The following CYP19A1 variants were observed in gnomAD, a reference collection of about 807,000 sequenced individuals.
The protein encoded by CYP19A1 is aromatase.
In CYP19A1, 32 loss-of-function variants were observed where a neutral mutation model predicts 44.4. The observed-to-expected ratio is 0.72, with a 90% confidence interval of 0.54 to 0.97. The LOEUF (loss-of-function observed/expected upper bound fraction) is 0.97, where lower values mean the gene tolerates loss of function less well. Among genes scored for constraint, CYP19A1 ranks in the 50% least tolerant of loss-of-function variants. CYP19A1 has a pLI of 0.00. For synonymous variants in CYP19A1, 212 were observed against 215.6 expected, an observed-to-expected ratio of 0.98 and a Z score of 0.14; for missense variants, 598 against 637.8, an observed-to-expected ratio of 0.94 and a Z score of 0.67.
intron 1 of CYP19A1, among the ~76,000 whole-genome samples, chr15:51,284,399 C>T (rs1254118849): frequency 6.6e-6 from 1 of 152,186 alleles, no homozygotes; most frequent in Non-Finnish European, 1.5e-5. Flanking sequence ...TAGGAACCGC[C>T]TCAGAGGTTT....
At chr15:51,247,310 C>T (rs533361193) in intron 1 of CYP19A1, among the ~76,000 whole-genome samples, 1 of 152,264 alleles carries the variant, frequency 6.6e-6, no homozygotes, top group African/African-American at 2.4e-5. Context: ...CCCCCTATTC[C>T]CTTCTTGCCT....
At chr15:51,232,898 C>T (rs2033136694) in intron 3 of CYP19A1, among the ~76,000 whole-genome samples, 1 of 152,214 alleles carries the variant, frequency 6.6e-6, no homozygotes, top group African/African-American at 2.4e-5. Context: ...TCTTCAGTGG[C>T]TTCCTTTCTT....
intron 5 of CYP19A1, among the ~76,000 whole-genome samples, chr15:51,220,422 T>C (rs4775933): frequency 0.99 from 150,908 of 152,374 alleles, 74,745 homozygotes; most frequent in Middle Eastern, 1. Flanking sequence ...CTGTCTTGCT[T>C]ACTGTTATGT....
At position 51,299,983 on chromosome 15, in the gene CYP19A1, A is replaced by T. The variant is rs114731753; in HGVS notation, c.-39+38512T>A. On this transcript the variant is annotated intron_variant, in intron 1 of 9. Coordinates refer to ENST00000396402, the MANE Select transcript of CYP19A1 (RefSeq NM_000103.4). ...GGGATGGGAGTGCTTTCATTCATGCAGTTACATTTGTTTGAAAGCAAGAGA... is the reference window on the plus strand; with the variant it reads ...GGGATGGGAGTGCTTTCATTCATGCTGTTACATTTGTTTGAAAGCAAGAGA... 5.5e-3 allele frequency among the ~76,000 whole-genome samples: 835 copies of T among 152,296 alleles called. 11 individuals are homozygous for T. Among genetic ancestry groups the T allele is most frequent in the African/African-American group, 0.019 (804 of 41,556 alleles).
intron 1 of CYP19A1, among the ~76,000 whole-genome samples, chr15:51,329,488 A>C (rs2036666173): frequency 6.6e-6 from 1 of 152,220 alleles, no homozygotes; most frequent in African/African-American, 2.4e-5. Flanking sequence ...GTGCCCCCCA[A>C]GAGGTATAAT....
chr15:51,322,772 G>C (rs1428949453), intron 1 of CYP19A1, among the ~76,000 whole-genome samples: 1 of 152,202 alleles, frequency 6.6e-6, no homozygotes, highest in African/African-American at 2.4e-5. Context: ...AGCCTCTACT[G>C]TGCTGGGTCT....
chr15:51,294,269 A>T (rs1300698846), intron 1 of CYP19A1, among the ~76,000 whole-genome samples: 1 of 138,280 alleles, frequency 7.2e-6, no homozygotes, highest in Non-Finnish European at 1.5e-5. Flanking sequence ...GGAAGTGAGG[A>T]GCGTCTCTGC....
intron 1 of CYP19A1, among the ~76,000 whole-genome samples, chr15:51,248,784 C>T (rs1022709029): frequency 2.0e-5 from 3 of 152,174 alleles, no homozygotes; most frequent in African/African-American, 7.2e-5. Context: ...CCATTGTAAA[C>T]TCTCCAAGAC....
chr15:51,283,013 T>C (rs1479119288), intron 1 of CYP19A1, among the ~76,000 whole-genome samples: 1 of 152,144 alleles, frequency 6.6e-6, no homozygotes, highest in Non-Finnish European at 1.5e-5. Context: ...TGGGAGATAA[T>C]TGGCAGAGAT....
At chr15:51,256,082 G>A (rs912881192) in intron 1 of CYP19A1, among the ~76,000 whole-genome samples, 1 of 152,208 alleles carries the variant, frequency 6.6e-6, no homozygotes, top group African/African-American at 2.4e-5. Flanking sequence ...AATGGGCAAG[G>A]CAGAGTATCT....
At position 51,332,873 on chromosome 15, in the gene CYP19A1, C is replaced by G. The variant is rs2036723002; in HGVS notation, c.-39+5622G>C. ...CCTATAAGTCACTTGTACTTTCTTT[C>G]TGGAAGACTGTAAGATTTTCTTTTC... On this transcript the variant is annotated intron_variant, in intron 1 of 9. Coordinates refer to ENST00000396402, the MANE Select transcript of CYP19A1 (RefSeq NM_000103.4). Among the ~76,000 whole-genome samples the G allele has an allele frequency of 2.0e-5, 3 of 152,310 alleles. 1 individual carries two copies. The South Asian group carries it at 6.2e-4, about 32-fold the overall frequency.
chr15:51,267,154 G>A (rs959106737), intron 1 of CYP19A1, among the ~76,000 whole-genome samples: 1 of 152,038 alleles, frequency 6.6e-6, no homozygotes, highest in Non-Finnish European at 1.5e-5. Flanking sequence ...AGGGCGAATC[G>A]AGCCAGATTT....
intron 1 of CYP19A1, among the ~76,000 whole-genome samples, chr15:51,258,698 G>T (rs2034605076): frequency 6.6e-6 from 1 of 152,070 alleles, no homozygotes; most frequent in Non-Finnish European, 1.5e-5. Context: ...GCCAGTCTCT[G>T]GAAGAACTAA....
chr15:51,224,307 A>G (rs762610896), intron 4 of CYP19A1, among the ~76,000 whole-genome samples: 3 of 152,224 alleles, frequency 2.0e-5, no homozygotes, highest in Non-Finnish European at 2.9e-5. Context: ...AGGAAAACCA[A>G]CAGGGAGTCT....
Position 51,286,290 on chromosome 15 carries a change from A to G in CYP19A1, c.-38-43340T>C, listed in dbSNP as rs114192416. ...TCTGGTCAACACCTCTTATTTGCAT[A>G]TAAATATTCTCTCTTCTACCTCTCC... On this transcript the variant is annotated intron_variant, in intron 1 of 9. Transcript: ENST00000396402. Among the ~76,000 whole-genome samples the G allele has an allele frequency of 5.5e-3, 833 of 152,292 alleles. 11 individuals carry two copies. The highest frequency in any genetic ancestry group is 0.019 in the African/African-American group (802 of 41,558).
chr15:51,266,816 C>T (rs1437794371), intron 1 of CYP19A1, among the ~76,000 whole-genome samples: 1 of 152,166 alleles, frequency 6.6e-6, no homozygotes, highest in African/African-American at 2.4e-5. Flanking sequence ...TTCCCTTCCG[C>T]TCTTTTGGTG....
chr15:51,279,424 C>G (rs2035438608), intron 1 of CYP19A1, among the ~76,000 whole-genome samples: 1 of 152,182 alleles, frequency 6.6e-6, no homozygotes, highest in Non-Finnish European at 1.5e-5. Flanking sequence ...CATCAACCCC[C>G]ACATCTCCAT....
intron 1 of CYP19A1, among the ~76,000 whole-genome samples, chr15:51,317,521 T>TG (rs2036449800): frequency 6.6e-6 from 1 of 152,210 alleles, no homozygotes. Context: ...CTGTGCAAGA[T>TG]GCTGCAGGGG....
chr15:51,238,273 A>G (rs1371668632), intron 2 of CYP19A1, among the ~76,000 whole-genome samples: 2 of 152,212 alleles, frequency 1.3e-5, no homozygotes, highest in Non-Finnish European at 2.9e-5. Flanking sequence ...AATTTCATTA[A>G]GCTCTTTAAA....
Sources: allele counts gnomAD v4.1 joint callset (sites outside exome capture counted in the v4.1 genomes callset), GRCh38; gene constraint gnomAD v4.1.1; transcripts MANE v1.5; gene names NCBI Gene and HGNC (gene_info 2026-07-23, HGNC 2026-07-21).